The following PRPSAP2 variants were observed in gnomAD, a reference collection of about 807,000 sequenced individuals.
PRPSAP2 encodes the protein phosphoribosyl pyrophosphate synthase-associated protein 2.
Under a neutral mutation model 40.6 loss-of-function variants are expected in PRPSAP2, and 24 were observed. That is an observed-to-expected ratio of 0.59 (90% CI 0.43 to 0.83). The LOEUF is 0.83. Ranked by LOEUF, PRPSAP2 falls within the 40% of genes least tolerant of loss-of-function variation. The pLI is 0.00. For missense variants in PRPSAP2, 292 were observed against 465.6 expected (o/e 0.63, Z 3.43); for synonymous variants, 149 against 164.7 (o/e 0.90, Z 0.73).
In PRPSAP2 at chr17:18,913,004, C is replaced by T. The variant is rs1020836937; in HGVS notation, c.733+1753C>T. ...TTGCAAAGCTCTGGATGGCCCCACT[C>T]CCACAGCTTTGCTGGGAGCAGCCCA... On this transcript the variant is annotated intron_variant, in intron 9 of 11. Coordinates refer to ENST00000268835, the MANE Select transcript of PRPSAP2 (RefSeq NM_002767.4). 2.0e-5 allele frequency among the ~76,000 whole-genome samples: 3 copies of T among 152,234 alleles called. No homozygotes were observed. In the East Asian group the frequency reaches 5.8e-4, roughly 29 times the overall value.
At chr17:18,870,183 G>A (rs756390053) in intron 4 of PRPSAP2, among the ~76,000 whole-genome samples, 15 of 152,050 alleles carry the variant, frequency 9.9e-5, no homozygotes, top group Non-Finnish European at 2.2e-4. Context: ...GTGAACTACC[G>A]CCTAGCTTGA....
chr17:18,907,042 T>C (rs990000988), intron 8 of PRPSAP2, among the ~76,000 whole-genome samples: 10 of 151,946 alleles, frequency 6.6e-5, no homozygotes, highest in Middle Eastern at 3.2e-3. Flanking sequence ...GTATAGATAG[T>C]ACTAGTGGGA....
At chr17:18,924,079 G>A (rs1276515065) in intron 10 of PRPSAP2, 95 bp downstream of exon 10, 32 of 1,267,338 alleles carry the variant, frequency 2.5e-5, no homozygotes, top group Admixed American at 9.5e-5. Flanking sequence ...ACTCACTGTC[G>A]CCCAGGCTGG....
chr17:18,889,778 T>G (rs778922057), intron 7 of PRPSAP2, 44 bp from the exon 8 acceptor site: 1 of 1,498,500 alleles, frequency 6.7e-7, no homozygotes, highest in Non-Finnish European at 9.1e-7. Context: ...GGAATTTTCC[T>G]TTTTGTTGAC....
intron 10 of PRPSAP2, among the ~76,000 whole-genome samples, chr17:18,927,981 G>A (rs780751974): frequency 6.6e-6 from 1 of 151,904 alleles, no homozygotes; most frequent in Non-Finnish European, 1.5e-5. Flanking sequence ...ACTGGGTTTC[G>A]TCATGTTGCT....
chr17:18,891,113 C>G (rs956469370), intron 8 of PRPSAP2, among the ~76,000 whole-genome samples: 18 of 152,094 alleles, frequency 1.2e-4, no homozygotes, highest in African/African-American at 4.3e-4. Context: ...AGTTGAATAC[C>G]TTTGATCACT....
At chr17:18,886,929 C>CTTTTTTTTTTTTTTTTT (rs71155365) in intron 7 of PRPSAP2, among the ~76,000 whole-genome samples, 1 of 75,372 alleles carries the variant, frequency 1.3e-5, no homozygotes, top group Non-Finnish European at 2.4e-5. Flanking sequence ...TTCTTTTCTT[C>CTTTTTTTTTTTTTTTTT]TTTTTTTTTT....
chr17:18,872,983 C>T (rs566159719), intron 5 of PRPSAP2, among the ~76,000 whole-genome samples: 2 of 151,726 alleles, frequency 1.3e-5, no homozygotes, highest in South Asian at 2.1e-4. Context: ...GCTGGTACTA[C>T]AGTTGGCGCC....
chr17:18,865,838 T>C lies in PRPSAP2; in HGVS notation c.5T>C (p.Phe2Ser). 1 of 1,501,970 alleles carries C rather than the reference T, an allele frequency of 6.7e-7. No individual in the cohort carries two copies. Among genetic ancestry groups the C allele is most frequent in the Non-Finnish European group, 9.0e-7 (1 of 1,113,912 alleles). 93.0% of individuals were successfully genotyped at this position (1,501,970 alleles called of 1,614,324 possible). A position where few individuals can be genotyped will look rare whatever the true frequency, so the allele number is the denominator to read the frequency against. M[F>S]CVTPPELETK... ...TGGAAAACCAAGAAGGTTTTGATGTTTTGTGTGACGCCACCTGAATTAGAA... is the reference window on the plus strand; with the variant it reads ...TGGAAAACCAAGAAGGTTTTGATGTCTTGTGTGACGCCACCTGAATTAGAA... Residue 2 changes from phenylalanine (F) to serine (S), a missense_variant, in exon 3 of 12, where the codon TTT (phenylalanine) becomes TCT (serine). By Grantham distance (155) the Phe-to-Ser change is radical (BLOSUM62 -2). Around this residue, in one of 2 missense-constraint regions of PRPSAP2, gnomAD observed 51 missense variants for 40.0 expected, o/e 1.28. Coordinates refer to ENST00000268835, the MANE Select transcript of PRPSAP2 (RefSeq NM_002767.4).
intron 8 of PRPSAP2, chr17:18,908,803 G>A (rs2040768306): frequency 1.4e-6 from 1 of 723,332 alleles, no homozygotes. Flanking sequence ...AAAAGTGGCG[G>A]AAAAGCTAGA....
chr17:18,927,310 G>C (rs1597783405), intron 10 of PRPSAP2, among the ~76,000 whole-genome samples: 1 of 152,164 alleles, frequency 6.6e-6, no homozygotes. Flanking sequence ...ATTTTGGAGG[G>C]ACAAAAACAT....
At chr17:18,909,890 A>C (rs1480916888) in intron 8 of PRPSAP2, among the ~76,000 whole-genome samples, 3 of 152,112 alleles carry the variant, frequency 2.0e-5, no homozygotes, top group African/African-American at 7.2e-5. Context: ...ACTCTGTCTC[A>C]AAAGAAAAAG....
At chr17:18,891,542 T>C (rs1213202564) in intron 8 of PRPSAP2, among the ~76,000 whole-genome samples, 1 of 152,222 alleles carries the variant, frequency 6.6e-6, no homozygotes, top group Non-Finnish European at 1.5e-5. Flanking sequence ...TAATTTTACT[T>C]AATAATTTTT....
At chr17:18,925,760 G>A (rs1201594291) in intron 10 of PRPSAP2, among the ~76,000 whole-genome samples, 1 of 152,102 alleles carries the variant, frequency 6.6e-6, no homozygotes, top group East Asian at 1.9e-4. Context: ...TTCCATAGTG[G>A]GTGCCCCACA....
chr17:18,874,232 A>G (rs531344178), intron 5 of PRPSAP2, among the ~76,000 whole-genome samples: 18 of 152,032 alleles, frequency 1.2e-4, no homozygotes, highest in East Asian at 5.8e-4. Flanking sequence ...CCCACTTTCC[A>G]TTGTGTGTTT....
At chr17:18,899,461 G>C (rs1029984933) in intron 8 of PRPSAP2, among the ~76,000 whole-genome samples, 2 of 146,602 alleles carry the variant, frequency 1.4e-5, no homozygotes, top group Non-Finnish European at 3.0e-5. Context: ...TTCTTTCCTT[G>C]ACCTCCATTA....
At chr17:18,863,483 ATTCTTTCTTTCTT>A (rs1219452812) in intron 1 of PRPSAP2, among the ~76,000 whole-genome samples, 25 of 151,816 alleles carry the variant, frequency 1.6e-4, no homozygotes, top group South Asian at 4.2e-4. Flanking sequence ...GATTAAACGT[ATTCTTTCTTTCTT>A]TTCTTTCTTT....
chr17:18,923,767 T>TACCTTTTGTACAACCC lies in PRPSAP2; in HGVS notation c.734-147_734-146insACCTTTTGTACAACCC. Reference sequence around the variant, plus strand: ...CATAAAGTATCAAGTTAGCTGTGGGTTTTTGTAGTTGCCCTTAATCAGATT... The same window carrying TACCTTTTGTACAACCC: ...CATAAAGTATCAAGTTAGCTGTGGGTACCTTTTGTACAACCCTTTTGTAGTTGCCCTTAATCAGATT... On this transcript the variant is annotated intron_variant, in intron 9 of 11. Transcript: ENST00000268835. The TACCTTTTGTACAACCC allele has an allele frequency of 2.9e-6, 2 of 692,996 alleles. 1 individual carries two copies. The highest frequency in any genetic ancestry group is 5.2e-5 in the South Asian group (2 of 38,682). 42.9% of individuals were successfully genotyped at this position (692,996 alleles called of 1,614,324 possible).
chr17:18,910,634 G>A (rs1244549992), intron 8 of PRPSAP2, among the ~76,000 whole-genome samples: 1 of 152,144 alleles, frequency 6.6e-6, no homozygotes, highest in Non-Finnish European at 1.5e-5. Flanking sequence ...AGCCTTCAGA[G>A]CTCATGAAAT....
Sources: gnomAD v4.1 joint callset for allele counts (sites outside exome capture counted in the v4.1 genomes callset) on GRCh38, gnomAD v4.1.1 for gene constraint, gnomAD v4.1.1 regional missense constraint, MANE v1.5 for transcripts, NCBI Gene and HGNC (gene_info 2026-07-23, HGNC 2026-07-21) for gene names.